Variants in ATP10B observed in about 807,000 individuals in gnomAD.
ATP10B encodes the protein ATPase phospholipid transporting 10B (putative), also known as phospholipid-transporting ATPase VB.
A neutral mutation model predicts 141.2 loss-of-function variants in ATP10B; 122 were observed. That is an observed-to-expected ratio of 0.86 (90% CI 0.75 to 1.00). The LOEUF (loss-of-function observed/expected upper bound fraction) is 1.00. Ranked by LOEUF, ATP10B falls within the 50% of genes least tolerant of loss-of-function variation. ATP10B has a pLI of 0.00. For missense variants in ATP10B, 1,876 were observed against 1,825.3 expected, an observed-to-expected ratio of 1.03 and a Z score of -0.51; for synonymous variants, 685 against 692.0, an observed-to-expected ratio of 0.99 and a Z score of 0.16.
intron 2 of ATP10B, among the ~76,000 whole-genome samples, chr5:160,783,222 C>T (rs544080482): frequency 5.9e-4 from 90 of 151,684 alleles, no homozygotes; most frequent in African/African-American, 2.0e-3. Flanking sequence ...CTTATGCCTT[C>T]GTGTCCTCAT....
At chr5:160,887,093 A>T in the ATP10B span, among the ~76,000 whole-genome samples, 1 of 152,202 alleles carries the variant, frequency 6.6e-6, no homozygotes, top group Non-Finnish European at 1.5e-5. Context: ...TGAGCCAGGC[A>T]CGAATTTTCA....
chr5:160,648,437 G>A (rs1760452559), intron 8 of ATP10B, among the ~76,000 whole-genome samples: 1 of 152,194 alleles, frequency 6.6e-6, no homozygotes, highest in South Asian at 2.1e-4. Context: ...GGACACCCCT[G>A]TAGAAAAGCA....
At chr5:160,873,692 C>T in the ATP10B span, among the ~76,000 whole-genome samples, 2 of 152,152 alleles carry the variant, frequency 1.3e-5, no homozygotes, top group Non-Finnish European at 2.9e-5. Flanking sequence ...GTGCGCGAGC[C>T]AAAGCAGGGC....
chr5:160,666,921 A>G (rs1334604727), intron 7 of ATP10B, among the ~76,000 whole-genome samples: 2 of 152,204 alleles, frequency 1.3e-5, no homozygotes, highest in Non-Finnish European at 2.9e-5. Context: ...CTGAGCCTTA[A>G]AAACTGAGGC....
chr5:160,888,744 T>C, the ATP10B span, among the ~76,000 whole-genome samples: 2 of 152,230 alleles, frequency 1.3e-5, no homozygotes, highest in African/African-American at 4.8e-5. Context: ...AAGAACCACA[T>C]GACCTACAAT....
intron 1 of ATP10B, among the ~76,000 whole-genome samples, chr5:160,817,498 A>G (rs1203056062): frequency 1.3e-5 from 2 of 152,206 alleles, no homozygotes; most frequent in East Asian, 3.9e-4. Context: ...GAAATAAAAG[A>G]GGATACAAAC....
At chr5:160,680,673 C>T (rs1410920971) in intron 6 of ATP10B, among the ~76,000 whole-genome samples, 1 of 152,184 alleles carries the variant, frequency 6.6e-6, no homozygotes, top group Non-Finnish European at 1.5e-5. Flanking sequence ...TTTAAAAAAA[C>T]TTTGGCTTTT....
the ATP10B span, among the ~76,000 whole-genome samples, chr5:160,880,610 G>C: frequency 2.0e-5 from 3 of 152,142 alleles, no homozygotes; most frequent in African/African-American, 2.4e-5. Flanking sequence ...AGAGTGGAGA[G>C]ACCAGAAATA....
the ATP10B span, among the ~76,000 whole-genome samples, chr5:160,863,722 GAGA>G: frequency 6.6e-6 from 1 of 151,962 alleles, no homozygotes; most frequent in Admixed American, 6.6e-5. Context: ...ACCAAGAAGA[GAGA>G]AGATCTGAAT....
intron 6 of ATP10B, among the ~76,000 whole-genome samples, chr5:160,673,480 A>G (rs980521100): frequency 1.3e-5 from 2 of 152,048 alleles, no homozygotes; most frequent in Non-Finnish European, 2.9e-5. Flanking sequence ...ATTATTGACT[A>G]TAGTCACCGT....
chr5:160,864,613 A>T, the ATP10B span, among the ~76,000 whole-genome samples: 3 of 152,038 alleles, frequency 2.0e-5, no homozygotes, highest in African/African-American at 7.2e-5. Flanking sequence ...AGAGTATCCA[A>T]ATTGGAAAAT....
chr5:160,819,522 AAC>A (rs1773942803), intron 1 of ATP10B, among the ~76,000 whole-genome samples: 1 of 152,148 alleles, frequency 6.6e-6, no homozygotes, highest in Non-Finnish European at 1.5e-5. Flanking sequence ...TACACAGAAA[AAC>A]ACAGCATATT....
chr5:160,626,884 C>T (rs956914233), intron 13 of ATP10B, among the ~76,000 whole-genome samples: 6 of 152,138 alleles, frequency 3.9e-5, no homozygotes, highest in Non-Finnish European at 4.4e-5. Flanking sequence ...AATAATAACT[C>T]GCCCAAGTTC....
chr5:160,755,841 ATATATATATATATATATATAT>A (rs1561820440), intron 2 of ATP10B, among the ~76,000 whole-genome samples: 19 of 30,946 alleles, frequency 6.1e-4, no homozygotes, highest in African/African-American at 2.8e-3. Flanking sequence ...AAAAAAAAAT[ATATATATATATATATATATAT>A]ATATATATAT....
At chr5:160,841,737 A>T (rs932032999) in intron 1 of ATP10B, among the ~76,000 whole-genome samples, 2 of 151,832 alleles carry the variant, frequency 1.3e-5, no homozygotes, top group Non-Finnish European at 2.9e-5. Flanking sequence ...ATTTATTATT[A>T]TTTTTTTAAA....
intron 10 of ATP10B, 136 bp from the exon 11 acceptor site, chr5:160,636,445 CTGTG>C (rs147139408): frequency 3.4e-5 from 29 of 859,750 alleles, no homozygotes; most frequent in Non-Finnish European, 3.0e-5. Context: ...CAATGTAGCT[CTGTG>C]TGTGTGTGTG....
rs114055795 is a variant in ATP10B at position 160,645,448 on chromosome 5, C to G, written c.762-1204G>C. On this transcript the variant is annotated intron_variant, in intron 8 of 25. Coordinates refer to ENST00000327245, the MANE Select transcript of ATP10B (RefSeq NM_025153.3). ...TTCCGAGCCACATCACTCACTCGGC[C>G]TCTTTCCTGTACCAGCTTTCACCTG... 8.8e-3 allele frequency among the ~76,000 whole-genome samples: 1,334 copies of G among 152,372 alleles called. 18 individuals carry two copies. Among genetic ancestry groups the G allele is most frequent in the African/African-American group, 0.029 (1,226 of 41,586 alleles).
chr5:160,624,563 T>C (rs1458967131), intron 13 of ATP10B, among the ~76,000 whole-genome samples: 2 of 152,200 alleles, frequency 1.3e-5, no homozygotes, highest in East Asian at 1.9e-4. Flanking sequence ...TACCATGTGG[T>C]GTCATTATTT....
At chr5:160,877,808 C>T in the ATP10B span, among the ~76,000 whole-genome samples, 9 of 123,452 alleles carry the variant, frequency 7.3e-5, no homozygotes, top group Middle Eastern at 3.7e-3. Context: ...GAATAAAATA[C>T]CTAGGAATCC....
Sources: allele counts gnomAD v4.1 joint callset (sites outside exome capture counted in the v4.1 genomes callset), GRCh38; gene constraint gnomAD v4.1.1; transcripts MANE v1.5; gene names NCBI Gene and HGNC (gene_info 2026-07-23, HGNC 2026-07-21).